KCNA4: variants seen among roughly 807,000 people sequenced by gnomAD.
KCNA4 encodes cardiac potassium channel.
A neutral mutation model predicts 37.2 loss-of-function variants in KCNA4; 5 were observed. The observed-to-expected ratio is 0.13, with a 90% CI of 0.07 to 0.28. KCNA4 has a LOEUF of 0.28. Among genes scored for constraint, KCNA4 ranks in the 10% least tolerant of loss-of-function variants. KCNA4 has a pLI of 1.00. For missense variants in KCNA4, 634 were observed against 817.4 expected, an observed-to-expected ratio of 0.78 and a Z score of 2.74; for synonymous variants, 350 against 311.8, an observed-to-expected ratio of 1.12 and a Z score of -1.29.
chr11:30,016,837 C>T lies in KCNA4; in HGVS notation c.-1048G>A. 2.5e-6 allele frequency: 1 copy of T among 397,166 alleles called. No individual in the cohort carries two copies. Among genetic ancestry groups the T allele is most frequent in the East Asian group, 3.6e-5 (1 of 27,970 alleles). The allele number at this position is 397,166 out of a possible 1,614,324, so 24.6% of individuals were successfully genotyped here. ...GGCTGCCCCAGAGAAGACCCCAAGA[C>T]TCCTGGTTCCTCTGGAGTTCAGCAC... On this transcript the variant is annotated 5_prime_UTR_variant, in exon 1 of 2. Transcript: ENST00000328224.
rs2133452876 is a variant in KCNA4 at position 30,010,738 on chromosome 11, C to G, written c.1941G>C (p.Lys647Asn). The part of the protein sequence containing the change: ...ETDKNNCSNA[K>N]AVETDV ...AGATTCACACATCAGTCTCCACAGC[C>G]TTTGCATTAGAACAGTTGTTTTTAT... The change falls in exon 2 of 2, where the codon AAG becomes AAC. Residue 647 changes from lysine (K) to asparagine (N), a missense_variant. Around this residue, in one of 8 missense-constraint regions of KCNA4, gnomAD observed 91 missense variants for 95.8 expected, o/e 0.95. Coordinates refer to ENST00000328224, the MANE Select transcript of KCNA4 (RefSeq NM_002233.4). The G allele has an allele frequency of 6.2e-7, 1 of 1,609,554 alleles. No individual in the cohort carries two copies. Among genetic ancestry groups the G allele is most frequent in the East Asian group, 2.2e-5 (1 of 44,874 alleles).
chr11:30,010,390 T>A lies in KCNA4; in HGVS notation c.*327A>T, dbSNP rs180942403. ...CAATTACTAACATTGACAATTTACTTCACACACACACACATATACACACAC... is the reference window on the plus strand; with the variant it reads ...CAATTACTAACATTGACAATTTACTACACACACACACACATATACACACAC... On this transcript the variant is annotated 3_prime_UTR_variant, in exon 2 of 2. Transcript: ENST00000328224. 21 of 273,480 alleles carry A rather than the reference T, an allele frequency of 7.7e-5. No homozygotes were observed. The highest frequency in any genetic ancestry group is 1.1e-3 in the Middle Eastern group (1 of 900). The allele number at this position is 273,480 out of a possible 1,614,324, so 16.9% of individuals were successfully genotyped here. A position where few individuals can be genotyped will look rare whatever the true frequency, so the allele number is the denominator to read the frequency against.
chr11:30,012,274 T>C lies in KCNA4; in HGVS notation c.405A>G (p.Glu135=). 2 of 1,613,716 alleles carry C rather than the reference T, an allele frequency of 1.2e-6. No homozygotes were observed. The highest frequency in any genetic ancestry group is 8.5e-7 in the Non-Finnish European group (1 of 1,179,932). Residue 135 remains glutamate, a synonymous_variant, in exon 2 of 2, where the codon GAA becomes GAG. Coordinates refer to ENST00000328224, the MANE Select transcript of KCNA4 (RefSeq NM_002233.4). ...CACTATAGTAAAACCTTCCCTCCTC[T>C]TCCTCCTCTTCCTCCTCCTCCTCAT... The part of the protein sequence containing the change: ...EEDEEEEEEE[E]EEGRFYYSED...
rs1850292087 is a variant in KCNA4 at position 30,010,429 on chromosome 11, C to T, written c.*288G>A. On this transcript the variant is annotated 3_prime_UTR_variant, in exon 2 of 2. Coordinates refer to ENST00000328224, the MANE Select transcript of KCNA4 (RefSeq NM_002233.4). ...ATATACACACACACGCACACACTCT[C>T]TCTCTCCATCTTTACTGTTAACATC... The T allele has an allele frequency of 4.6e-6, 2 of 436,072 alleles. No individual in the cohort carries two copies. Among genetic ancestry groups the T allele is most frequent in the East Asian group, 7.8e-5 (2 of 25,644 alleles). The allele number at this position is 436,072 out of a possible 1,614,324, so 27.0% of individuals were successfully genotyped here.
intron 1 of KCNA4, 121 bp from the exon 2 acceptor site, chr11:30,013,581 C>T (rs1279053327): frequency 6.6e-6 from 1 of 152,518 alleles, no homozygotes; most frequent in Non-Finnish European, 1.5e-5. Context: ...AGTCATATAA[C>T]ACACCAAGCA....
chr11:30,012,475 G>A lies in KCNA4; in HGVS notation c.204C>T (p.Arg68=), dbSNP rs1360821051. The change falls in exon 2 of 2, where the codon CGC becomes CGT. Residue 68 remains arginine, a synonymous_variant. Coordinates refer to ENST00000328224, the MANE Select transcript of KCNA4 (RefSeq NM_002233.4). ...GGGSHHHHQS[R]GACTSHDPQS... is the part of the protein sequence containing the mutation. The stretch of plus-strand genomic sequence containing the variant: ...GAGGGTCATGGGAGGTACAGGCCCC[G>A]CGTGACTGGTGGTGGTGGTGGGAGC... 9 of 1,611,500 alleles carry A rather than the reference G, an allele frequency of 5.6e-6. No homozygotes were observed. The highest frequency in any genetic ancestry group is 2.7e-5 in the African/African-American group (2 of 74,890).
At position 30,010,855 on chromosome 11, in the gene KCNA4, C is replaced by G. The variant is rs200225575; in HGVS notation, c.1824G>C (p.Lys608Asn). 3.5e-4 allele frequency: 570 copies of G among 1,614,092 alleles called. 2 individuals carry two copies. In the Middle Eastern group the frequency reaches 8.1e-3, roughly 23 times the overall value. Residue 608 changes from lysine to asparagine, a missense_variant, in exon 2 of 2, where the codon AAG becomes AAC. Transcript: ENST00000328224. ...RSSTSSSLGD[K>N]SEYLEMEEGV... ...CTTCTTCCATCTCTAGATACTCTGA[C>G]TTGTCCCCCAGGGAAGAAGAAGTAG...
Position 30,011,900 on chromosome 11 carries a change from T to C in KCNA4, c.779A>G (p.Gln260Arg). 1 of 1,614,146 alleles carries C rather than the reference T, an allele frequency of 6.2e-7. No individual in the cohort carries two copies. Among genetic ancestry groups the C allele is most frequent in the Non-Finnish European group, 8.5e-7 (1 of 1,180,022 alleles). Residue 260 changes from glutamine to arginine, a missense_variant, in exon 2 of 2, where the codon CAG (glutamine) becomes CGG (arginine). This residue lies in a region of KCNA4 where 252 missense variants were observed against 344.2 expected (regional missense o/e 0.73). Coordinates refer to ENST00000328224, the MANE Select transcript of KCNA4 (RefSeq NM_002233.4). This position sits in a 1 kb window ranked among gnomAD's most constrained non-coding sequence, Gnocchi z 5.6. ...DIFTEEVKFY[Q>R]LGEEALLKFR... is the part of the protein sequence containing the mutation. ...CTTCAACAGGGCCTCCTCCCCCAAC[T>C]GATAGAACTTCACCTCCTCAGTGAA...
In KCNA4 at chr11:30,012,526, GACAGCAGCTGTGGCCGCTGCA is replaced by G. The variant is rs1299856873; in HGVS notation, c.132_152del (p.Ala45_Val51del). ...CCCCACCAGAACCCCCGCTACCTTC[GACAGCAGCTGTGGCCGCTGCA>G]ACAGCAGCTGCTGCAGCTGCCCTGG... On this transcript the variant is annotated inframe_deletion, in exon 2 of 2. Transcript: ENST00000328224. 2.5e-6 allele frequency: 4 copies of G among 1,608,650 alleles called. No homozygotes were observed. The highest frequency in any genetic ancestry group is 1.7e-5 in the Admixed American group (1 of 60,000).
rs1288577102 is a variant in KCNA4 at position 30,012,936 on chromosome 11, A to C, written c.-258T>G. On this transcript the variant is annotated 5_prime_UTR_variant, in exon 2 of 2. Transcript: ENST00000328224. ...AAATAGCCTGGCACTCTCAAGACTA[A>C]GAAGTCCGAAAATGCTGGAGTCTCT... The C allele has an allele frequency of 7.5e-6, 3 of 401,588 alleles. No homozygotes were observed. Among genetic ancestry groups the C allele is most frequent in the African/African-American group, 2.1e-5 (1 of 48,278 alleles). The allele number at this position is 401,588 out of a possible 1,614,324, so 24.9% of individuals were successfully genotyped here.
rs1312559533 is a variant in KCNA4, at chr11:30,011,755, G to A, written c.924C>T (p.Gly308=). ...TGACCAGGACGGACACAATGGCTAT[G>A]CCCCTTGCAGGACTGGAGCTCTCTG... ...EYPESSSPAR[G]IAIVSVLVIL... is the part of the protein sequence containing the mutation. Residue 308 remains glycine, a synonymous_variant, in exon 2 of 2, where the codon GGC becomes GGT. Transcript: ENST00000328224. The surrounding 1 kb of genome is among the most constrained non-coding windows in gnomAD (Gnocchi z 5.6). 1 of 1,614,100 alleles carries A rather than the reference G, an allele frequency of 6.2e-7. No individual in the cohort carries two copies. The highest frequency in any genetic ancestry group is 1.7e-5 in the Admixed American group (1 of 60,010).
chr11:30,010,700 G>A lies in KCNA4; in HGVS notation c.*17C>T. On this transcript the variant is annotated 3_prime_UTR_variant, in exon 2 of 2. Coordinates refer to ENST00000328224, the MANE Select transcript of KCNA4 (RefSeq NM_002233.4). ...TTGGAGATGCTGAGGGGGGAGCAGTGGCAGGTGGAAAAAGATTCACACATC... is the reference window on the plus strand; with the variant it reads ...TTGGAGATGCTGAGGGGGGAGCAGTAGCAGGTGGAAAAAGATTCACACATC... 2 of 1,575,558 alleles carry A rather than the reference G, an allele frequency of 1.3e-6. No homozygotes were observed. Among genetic ancestry groups the A allele is most frequent in the Non-Finnish European group, 1.7e-6 (2 of 1,162,918 alleles).
Position 30,017,020 on chromosome 11 carries a change from G to T in KCNA4, c.-1231C>A, listed in dbSNP as rs957838449. On this transcript the variant is annotated 5_prime_UTR_variant, in exon 1 of 2. Transcript: ENST00000328224. The stretch of plus-strand genomic sequence containing the variant: ...AGCAGCACACGCCTCCCCTGGCCGC[G>T]AACGCGCTCTGGGCGGGGGCGGGGC... 2.5e-5 allele frequency: 10 copies of T among 397,852 alleles called. No individual in the cohort carries two copies. In the East Asian group the frequency reaches 3.2e-4, roughly 13 times the overall value. The allele number at this position is 397,852 out of a possible 1,614,324, so 24.6% of individuals were successfully genotyped here. A position where few individuals can be genotyped will look rare whatever the true frequency, so the allele number is the denominator to read the frequency against.
At position 30,010,598 on chromosome 11, in the gene KCNA4, A is replaced by T; in HGVS notation, c.*119T>A. 1 of 1,399,846 alleles carries T rather than the reference A, an allele frequency of 7.1e-7. No individual in the cohort carries two copies. The highest frequency in any genetic ancestry group is 1.4e-5 in the African/African-American group (1 of 69,372). 86.7% of individuals were successfully genotyped at this position (1,399,846 alleles called of 1,614,324 possible). On this transcript the variant is annotated 3_prime_UTR_variant, in exon 2 of 2. Transcript: ENST00000328224. ...AACAATTATGCCATGTATAACCATT[A>T]AATAGTGTACTACTGTATGCATTGG...
At position 30,012,066 on chromosome 11, in the gene KCNA4, G is replaced by T; in HGVS notation, c.613C>A (p.Pro205Thr). The T allele has an allele frequency of 6.2e-7, 1 of 1,614,072 alleles. No homozygotes were observed. Among genetic ancestry groups the T allele is most frequent in the South Asian group, 1.1e-5 (1 of 91,056 alleles). ...TCAAAGTACTGAGTCCTCTTTTCAG[G>T]GTCTCCCAACAAAGTCTCTGGAAAC... ...AQFPETLLGD[P>T]EKRTQYFDPL... Residue 205 changes from proline (P) to threonine (T), a missense_variant, in exon 2 of 2, where the codon CCT becomes ACT. Coordinates refer to ENST00000328224, the MANE Select transcript of KCNA4 (RefSeq NM_002233.4).
rs1590491090 is a variant in KCNA4 at position 30,012,196 on chromosome 11, C to T, written c.483G>A (p.Glu161=). ...CSYTDLLPQD[E]GGGGYSSVRY... is the part of the protein sequence containing the mutation. Reference sequence around the variant, plus strand: ...GGACTGAACTGTAGCCGCCACCGCCCTCATCCTGAGGCAGCAGATCCGTGT... The same window carrying T: ...GGACTGAACTGTAGCCGCCACCGCCTTCATCCTGAGGCAGCAGATCCGTGT... The change falls in exon 2 of 2, where the codon GAG becomes GAA. Residue 161 remains glutamate, a synonymous_variant. Coordinates refer to ENST00000328224, the MANE Select transcript of KCNA4 (RefSeq NM_002233.4). 6.2e-6 allele frequency: 10 copies of T among 1,614,072 alleles called. No individual in the cohort carries two copies. The East Asian group carries it at 2.0e-4, about 32-fold the overall frequency.
In KCNA4 at chr11:30,012,382, C is replaced by T. The variant is rs952316181; in HGVS notation, c.297G>A (p.Gln99=). 1 of 1,614,174 alleles carries T rather than the reference C, an allele frequency of 6.2e-7. No individual in the cohort carries two copies. Residue 99 remains glutamine, a synonymous_variant, in exon 2 of 2, where the codon CAG becomes CAA. Transcript: ENST00000328224. ...RSEKKKAHYR[Q]SSFPHCSDLM... Reference sequence around the variant, plus strand: ...GGTCAGAGCAATGAGGGAAGCTGCTCTGCCGGTAGTGGGCTTTCTTCTTCT... The same window carrying T: ...GGTCAGAGCAATGAGGGAAGCTGCTTTGCCGGTAGTGGGCTTTCTTCTTCT...
At chr11:30,015,240 C>G (rs1257917525) in intron 1 of KCNA4, among the ~76,000 whole-genome samples, 1 of 152,114 alleles carries the variant, frequency 6.6e-6, no homozygotes, top group Non-Finnish European at 1.5e-5. Context: ...ACTTACAAAA[C>G]CATCCTGGGG....
chr11:30,015,873 A>G (rs867687670), intron 1 of KCNA4, among the ~76,000 whole-genome samples: 1 of 151,756 alleles, frequency 6.6e-6, no homozygotes, highest in African/African-American at 2.4e-5. Context: ...CTATTCCCCA[A>G]TCCCGGCGCC....
Sources: allele counts gnomAD v4.1 joint callset (sites outside exome capture counted in the v4.1 genomes callset), GRCh38; gene constraint gnomAD v4.1.1; regional missense constraint gnomAD v4.1.1; non-coding constraint Gnocchi (gnomAD v3.1); transcripts MANE v1.5; gene names NCBI Gene and HGNC (gene_info 2026-07-23, HGNC 2026-07-21).